The following ST7 variants were observed in gnomAD, a reference collection of about 807,000 sequenced individuals.
ST7 encodes suppressor of tumorigenicity 7 protein.
Under a neutral mutation model 78.7 loss-of-function variants are expected in ST7, and 28 were observed. The observed-to-expected ratio is 0.36, with a 90% CI of 0.26 to 0.49. The LOEUF (loss-of-function observed/expected upper bound fraction) is 0.49, where lower values mean the gene tolerates loss of function less well. Ranked by LOEUF, ST7 falls within the 20% of genes least tolerant of loss-of-function variation. ST7 has a pLI of 0.99. For missense variants in ST7, 418 were observed against 696.0 expected, an observed-to-expected ratio of 0.60 and a Z score of 4.49; for synonymous variants, 247 against 249.6, an observed-to-expected ratio of 0.99 and a Z score of 0.10.
At chr7:117,174,671 C>T (rs1006576134) in intron 10 of ST7, among the ~76,000 whole-genome samples, 1 of 152,056 alleles carries the variant, frequency 6.6e-6, no homozygotes, top group African/African-American at 2.4e-5. Context: ...TTATTAATAC[C>T]ATTGTTCTTG....
At chr7:117,024,047 C>A (rs1172733955) in intron 1 of ST7, among the ~76,000 whole-genome samples, 1 of 152,114 alleles carries the variant, frequency 6.6e-6, no homozygotes, top group Non-Finnish European at 1.5e-5. Flanking sequence ...CCCTTGACTG[C>A]AGGTGATCCT....
intron 10 of ST7, among the ~76,000 whole-genome samples, chr7:117,171,944 G>GTATT (rs1211471062): frequency 7.4e-6 from 1 of 135,898 alleles, no homozygotes; most frequent in African/African-American, 3.1e-5. Flanking sequence ...TACCATTTGG[G>GTATT]TCTTTTTTTT....
Position 117,171,498 on chromosome 7 carries a change from G to A in ST7, c.1078+522G>A, listed in dbSNP as rs137898893. Among the ~76,000 whole-genome samples the A allele has an allele frequency of 3.4e-4, 52 of 152,068 alleles. No homozygotes were observed. The East Asian group carries it at 8.7e-3, about 25-fold the overall frequency. On this transcript the variant is annotated intron_variant, in intron 10 of 15. Transcript: ENST00000323984. ...ATCCCAGCTCTTCTCATTAGCAGCA[G>A]AATATCCCCATTTCTTTAAATGGCA...
chr7:117,170,229 C>T (rs1807885944), intron 9 of ST7, among the ~76,000 whole-genome samples: 1 of 152,102 alleles, frequency 6.6e-6, no homozygotes, highest in African/African-American at 2.4e-5. Context: ...CTTTCTTGAG[C>T]ATTTTCTTCA....
intron 9 of ST7, among the ~76,000 whole-genome samples, chr7:117,139,346 A>G (rs1805072754): frequency 6.6e-6 from 1 of 152,226 alleles, no homozygotes; most frequent in African/African-American, 2.4e-5. Context: ...TAGAAGGCAT[A>G]CATAACTGCC....
intron 14 of ST7, among the ~76,000 whole-genome samples, chr7:117,220,815 G>T (rs2116166614): frequency 6.6e-6 from 1 of 152,310 alleles, no homozygotes; most frequent in African/African-American, 2.4e-5. Flanking sequence ...ATCCCAGCAG[G>T]CTGACCTACC....
At chr7:117,139,220 A>G (rs1026040393) in intron 9 of ST7, among the ~76,000 whole-genome samples, 2 of 152,186 alleles carry the variant, frequency 1.3e-5, no homozygotes, top group African/African-American at 4.8e-5. Flanking sequence ...TTTTTTGTTA[A>G]TAGGAAATAC....
intron 12 of ST7, among the ~76,000 whole-genome samples, chr7:117,192,362 A>G (rs777123228): frequency 2.0e-5 from 3 of 152,172 alleles, no homozygotes; most frequent in Non-Finnish European, 4.4e-5. Context: ...CTTGTGTTCC[A>G]CTTGTGATTC....
chr7:116,979,847 TACTC>T (rs1459789147), intron 1 of ST7, among the ~76,000 whole-genome samples: 1 of 152,128 alleles, frequency 6.6e-6, no homozygotes, highest in Non-Finnish European at 1.5e-5. Flanking sequence ...TCTGGCTTGA[TACTC>T]ACTGCTTTTC....
chr7:117,180,588 G>A (rs1462156947), intron 10 of ST7, among the ~76,000 whole-genome samples: 3 of 152,140 alleles, frequency 2.0e-5, no homozygotes, highest in African/African-American at 7.2e-5. Flanking sequence ...AGGAATATTA[G>A]GCACAGGTGT....
At chr7:117,151,048 G>A (rs68189831) in intron 9 of ST7, among the ~76,000 whole-genome samples, 18,411 of 152,236 alleles carry the variant, frequency 0.12, 2,035 homozygotes, top group African/African-American at 0.29. Context: ...CAGCACTGCT[G>A]AAATCCTCAT....
At chr7:117,084,804 G>T (rs576888955) in intron 1 of ST7, among the ~76,000 whole-genome samples, 4 of 152,242 alleles carry the variant, frequency 2.6e-5, no homozygotes, top group African/African-American at 9.6e-5. Flanking sequence ...ATTACAAATT[G>T]TGATTATATA....
chr7:116,961,321 A>G (rs961109915), intron 1 of ST7, among the ~76,000 whole-genome samples: 1 of 152,160 alleles, frequency 6.6e-6, no homozygotes, highest in African/African-American at 2.4e-5. Flanking sequence ...TTCCATATGA[A>G]TTTTGAAACA....
intron 2 of ST7, among the ~76,000 whole-genome samples, chr7:117,114,844 G>T (rs1402251507): frequency 2.0e-5 from 3 of 152,156 alleles, no homozygotes; most frequent in South Asian, 2.1e-4. Flanking sequence ...TGATGGAAAG[G>T]CCTTGTTTAT....
At chr7:117,079,968 CTTTTTTT>C (rs34326752) in intron 1 of ST7, among the ~76,000 whole-genome samples, 90 of 65,424 alleles carry the variant, frequency 1.4e-3, no homozygotes, top group African/African-American at 4.4e-3. Flanking sequence ...TTTGTCATTC[CTTTTTTT>C]TTTTTTTTTT....
intron 1 of ST7, chr7:117,076,480 C>G (rs555299927): frequency 6.6e-6 from 1 of 152,352 alleles, no homozygotes; most frequent in South Asian, 2.1e-4. Context: ...GCAACAGGTG[C>G]CTTGTTTACT....
At position 117,031,816 on chromosome 7, in the gene ST7, ATATATCTATATCTATATC is replaced by A. The variant is rs71148360; in HGVS notation, c.152-67918_152-67901del. ...TGCATATATGTGTGTATATATATGC[ATATATCTATATCTATATC>A]TATATCTATATCTATATCTATATCT... On this transcript the variant is annotated intron_variant, in intron 1 of 15. Coordinates refer to ENST00000323984, the MANE Select transcript of ST7 (RefSeq NM_001369598.1). 1.0e-3 allele frequency among the ~76,000 whole-genome samples: 43 copies of A among 41,444 alleles called. 1 individual carries two copies. Among genetic ancestry groups the A allele is most frequent in the East Asian group, 4.3e-3 (3 of 704 alleles). 27.2% of individuals were successfully genotyped at this position (41,444 alleles called of 152,430 possible).
intron 8 of ST7, 40 bp downstream of exon 8, chr7:117,136,275 T>A: frequency 6.2e-7 from 1 of 1,613,032 alleles, no homozygotes; most frequent in East Asian, 2.2e-5. Context: ...GGGATCAGAA[T>A]TGTAAAAATT....
intron 1 of ST7, among the ~76,000 whole-genome samples, chr7:117,081,500 C>T (rs1042649343): frequency 5.3e-5 from 8 of 152,068 alleles, no homozygotes; most frequent in South Asian, 2.1e-4. Flanking sequence ...TGATTTGGCA[C>T]GACCTGTAGC....
Sources: gnomAD v4.1 joint callset for allele counts (sites outside exome capture counted in the v4.1 genomes callset) on GRCh38, gnomAD v4.1.1 for gene constraint, MANE v1.5 for transcripts, NCBI Gene and HGNC (gene_info 2026-07-23, HGNC 2026-07-21) for gene names.